MINDY4: variants seen among roughly 807,000 people sequenced by gnomAD.
MINDY4 encodes the protein MINDY lysine 48 deubiquitinase 4.
Under a neutral mutation model 87.0 loss-of-function variants are expected in MINDY4, and 68 were observed. The ratio of observed to expected loss-of-function variants is 0.78; its 90% CI spans 0.64 to 0.96. MINDY4 has a LOEUF of 0.96. MINDY4 is among the 40% of genes least tolerant of loss of function. The pLI is 0.00. For missense variants in MINDY4, 919 were observed against 928.2 expected (o/e 0.99, Z 0.13); for synonymous variants, 379 against 363.2 (o/e 1.04, Z -0.50).
At chr7:30,788,404 G>T (rs11977740) in intron 4 of MINDY4, among the ~76,000 whole-genome samples, 1,769 of 152,172 alleles carry the variant, frequency 0.012, 26 homozygotes, top group African/African-American at 0.04. Flanking sequence ...TTGGCCATTT[G>T]GAAAATATTG....
At chr7:30,856,268 T>G (rs1431680452) in intron 12 of MINDY4, among the ~76,000 whole-genome samples, 1 of 152,192 alleles carries the variant, frequency 6.6e-6, no homozygotes, top group Non-Finnish European at 1.5e-5. Flanking sequence ...GCAGGCGTGT[T>G]GCCCTGTGGC....
At chr7:30,795,418 C>T (rs1787458590) in intron 5 of MINDY4, among the ~76,000 whole-genome samples, 1 of 152,204 alleles carries the variant, frequency 6.6e-6, no homozygotes, top group Non-Finnish European at 1.5e-5. Flanking sequence ...AATGTGTGCC[C>T]TGTCACATGG....
intron 4 of MINDY4, among the ~76,000 whole-genome samples, chr7:30,787,089 T>G (rs1442117076): frequency 6.6e-6 from 1 of 152,232 alleles, no homozygotes; most frequent in African/African-American, 2.4e-5. Context: ...GTCCTCTCCC[T>G]GCCCCTGGCT....
intron 13 of MINDY4, among the ~76,000 whole-genome samples, chr7:30,867,651 C>A (rs1020322767): frequency 3.3e-5 from 5 of 152,140 alleles, no homozygotes; most frequent in African/African-American, 1.2e-4. Context: ...CCTTAAAAGT[C>A]AATATAAACC....
intron 13 of MINDY4, among the ~76,000 whole-genome samples, chr7:30,864,373 CAG>C (rs1360481549): frequency 1.3e-5 from 2 of 152,260 alleles, no homozygotes; most frequent in East Asian, 3.9e-4. Context: ...GTTGGAAAGA[CAG>C]TGACAGAAGC....
rs764178739 is a variant in MINDY4 at position 30,875,630 on chromosome 7, C to T, written c.1945C>T (p.Leu649Phe). ...AARSDIGFLS[L>F]FEHYNMCQVG... ...ACGCAGTGATATTGGCTTCTTATCT[C>T]TCTTTGAGCATTACAACATGTGCCA... Residue 649 changes from leucine (L) to phenylalanine (F), a missense_variant, in exon 15 of 18, where the codon CTC (leucine) becomes TTC (phenylalanine). Leu to Phe is a conservative substitution (Grantham distance 22). Transcript: ENST00000265299. The T allele has an allele frequency of 6.2e-7, 1 of 1,612,656 alleles. No individual in the cohort carries two copies. The highest frequency in any genetic ancestry group is 1.7e-5 in the Admixed American group (1 of 59,968).
intron 5 of MINDY4, among the ~76,000 whole-genome samples, chr7:30,800,398 A>G (rs886538662): frequency 2.0e-5 from 3 of 152,214 alleles, no homozygotes; most frequent in African/African-American, 7.2e-5. Flanking sequence ...GCCCTCTGCA[A>G]GAGCATCATA....
At chr7:30,804,426 G>A (rs1787746626) in intron 5 of MINDY4, among the ~76,000 whole-genome samples, 1 of 152,176 alleles carries the variant, frequency 6.6e-6, no homozygotes, top group Non-Finnish European at 1.5e-5. Flanking sequence ...ATTCAACAAA[G>A]CATTTATAGA....
intron 13 of MINDY4, among the ~76,000 whole-genome samples, chr7:30,862,838 G>C (rs750583285): frequency 1.6e-4 from 25 of 152,340 alleles, no homozygotes; most frequent in South Asian, 4.1e-4. Flanking sequence ...AACAGGAGGG[G>C]TTAGTCTGGT....
intron 17 of MINDY4, among the ~76,000 whole-genome samples, chr7:30,885,322 C>G (rs1441223272): frequency 6.6e-6 from 1 of 152,148 alleles, no homozygotes; most frequent in Non-Finnish European, 1.5e-5. Context: ...GAGTTTGAGA[C>G]CAGCCTAACC....
At chr7:30,772,044 A>T (rs533216865) in intron 1 of MINDY4, among the ~76,000 whole-genome samples, 2 of 152,372 alleles carry the variant, frequency 1.3e-5, no homozygotes, top group South Asian at 4.1e-4. Context: ...TGGGAATTCC[A>T]GTGGTTGCTT....
intron 9 of MINDY4, among the ~76,000 whole-genome samples, chr7:30,845,502 C>G (rs138807465): frequency 6.8e-6 from 1 of 147,594 alleles, no homozygotes; most frequent in Non-Finnish European, 1.5e-5. Flanking sequence ...TCTAGGATTT[C>G]AGACATGATC....
intron 17 of MINDY4, among the ~76,000 whole-genome samples, chr7:30,891,076 T>C (rs1007849978): frequency 6.6e-6 from 1 of 152,206 alleles, no homozygotes; most frequent in African/African-American, 2.4e-5. Flanking sequence ...CCAAACCTCA[T>C]ACTTTGAAAA....
intron 10 of MINDY4, among the ~76,000 whole-genome samples, 191 bp downstream of exon 10, chr7:30,850,746 G>A (rs1486272285): frequency 6.6e-6 from 1 of 152,176 alleles, no homozygotes; most frequent in Non-Finnish European, 1.5e-5. Flanking sequence ...CCTTCCATGC[G>A]GCCCTGCGAT....
chr7:30,803,554 G>A (rs1265730578), intron 5 of MINDY4: 1 of 152,286 alleles, frequency 6.6e-6, no homozygotes, highest in African/African-American at 2.4e-5. Flanking sequence ...GCAGGGCTAA[G>A]CTGAGCCTTG....
rs771597050 is a variant in MINDY4, at chr7:30,771,459, G to T, written c.-35G>T. On this transcript the variant is annotated 5_prime_UTR_variant, in exon 1 of 18. Coordinates refer to ENST00000265299, the MANE Select transcript of MINDY4 (RefSeq NM_032222.3). ...CCCAGTTGCCTGGTGCTGCGGCCCGGCGTGGGCCTCGTGGGCAGAGCCAGA... is the reference window on the plus strand; with the variant it reads ...CCCAGTTGCCTGGTGCTGCGGCCCGTCGTGGGCCTCGTGGGCAGAGCCAGA... 53 of 1,589,730 alleles carry T rather than the reference G, an allele frequency of 3.3e-5. 1 individual carries two copies. The South Asian group carries it at 5.9e-4, about 18-fold the overall frequency.
chr7:30,788,554 C>T (rs1272508604), intron 4 of MINDY4, among the ~76,000 whole-genome samples: 5 of 152,148 alleles, frequency 3.3e-5, no homozygotes, highest in African/African-American at 9.7e-5. Flanking sequence ...CTCAAGCTCA[C>T]GGTGGCAGAT....
intron 17 of MINDY4, among the ~76,000 whole-genome samples, chr7:30,891,349 A>T (rs1278388668): frequency 6.6e-6 from 1 of 152,224 alleles, no homozygotes; most frequent in African/African-American, 2.4e-5. Flanking sequence ...CTGAACTGTT[A>T]TTCAGTTGTC....
intron 6 of MINDY4, among the ~76,000 whole-genome samples, chr7:30,832,827 T>C (rs1383617581): frequency 1.3e-5 from 2 of 152,024 alleles, no homozygotes; most frequent in African/African-American, 4.8e-5. Flanking sequence ...CCCTTTTACA[T>C]TTCCCTCTCT....
Sources: gnomAD v4.1 joint callset for allele counts (sites outside exome capture counted in the v4.1 genomes callset) on GRCh38, gnomAD v4.1.1 for gene constraint, MANE v1.5 for transcripts, NCBI Gene and HGNC (gene_info 2026-07-23, HGNC 2026-07-21) for gene names.